SLC28A3: variants seen among roughly 807,000 people sequenced by gnomAD.
The protein encoded by SLC28A3 is solute carrier family 28 member 3.
In SLC28A3, 68 loss-of-function variants were observed where a neutral mutation model predicts 84.2. That is an observed-to-expected ratio of 0.81 (90% CI 0.66 to 0.99). SLC28A3 has a LOEUF of 0.99. Ranked by LOEUF, SLC28A3 falls within the 50% of genes least tolerant of loss-of-function variation. The pLI is 0.00. For synonymous variants in SLC28A3, 267 were observed against 303.6 expected, an observed-to-expected ratio of 0.88 and a Z score of 1.25; for missense variants, 712 against 841.5, an observed-to-expected ratio of 0.85 and a Z score of 1.90.
At chr9:84,295,699 G>A (rs183861064) in intron 8 of SLC28A3, among the ~76,000 whole-genome samples, 3 of 152,080 alleles carry the variant, frequency 2.0e-5, no homozygotes, top group Non-Finnish European at 4.4e-5. Context: ...TTTCCACAGA[G>A]AGCAGTTTCT....
rs548834828 is a variant in SLC28A3, at chr9:84,289,019, G to A, written c.1150-841C>T. 7.9e-5 allele frequency among the ~76,000 whole-genome samples: 12 copies of A among 152,146 alleles called. 1 individual carries two copies. The South Asian group carries it at 1.5e-3, about 18-fold the overall frequency. On this transcript the variant is annotated intron_variant, in intron 11 of 17. Coordinates refer to ENST00000376238, the MANE Select transcript of SLC28A3 (RefSeq NM_001199633.2). The stretch of plus-strand genomic sequence containing the variant: ...TCTGGTGGCCCTTTAATCTGTACAC[G>A]ACTTCTGTTTTCTTTATTGCAGGTC...
chr9:84,281,020 C>T (rs1824730298), intron 14 of SLC28A3, 138 bp from the exon 15 acceptor site: 1 of 753,568 alleles, frequency 1.3e-6, no homozygotes, highest in Non-Finnish European at 2.2e-6. Flanking sequence ...ATACCCATTA[C>T]TCCCTAGACC....
rs925990245 is a variant in SLC28A3, at chr9:84,279,304, G to T, written c.1910C>A (p.Thr637Lys). ...NAFNSTFPGN[T>K]TKVIACCQSL... is the part of the protein sequence containing the mutation. Reference sequence around the variant, plus strand: ...TTGGCAACAAGCTATCACCTTGGTTGTGTTTCCAGGGAAAGTGGAGTTGAA... The same window carrying T: ...TTGGCAACAAGCTATCACCTTGGTTTTGTTTCCAGGGAAAGTGGAGTTGAA... Residue 637 changes from threonine (T) to lysine (K), a missense_variant, in exon 17 of 18, where the codon ACA becomes AAA. Transcript: ENST00000376238. 1.9e-6 allele frequency: 3 copies of T among 1,613,312 alleles called. No individual in the cohort carries two copies. Among genetic ancestry groups the T allele is most frequent in the Admixed American group, 3.3e-5 (2 of 59,950 alleles).
the SLC28A3 span, among the ~76,000 whole-genome samples, chr9:84,367,604 CTGAGTTCCCTCAGTATTTATT>C: frequency 6.6e-6 from 1 of 152,190 alleles, no homozygotes; most frequent in Non-Finnish European, 1.5e-5. Context: ...GCGCTGGTCT[CTGAGTTCCCTCAGTATTTATT>C]GATTTCTATT....
At chr9:84,309,795 G>A (rs901049565) in intron 2 of SLC28A3, 81 bp from the exon 3 acceptor site, 27 of 1,208,316 alleles carry the variant, frequency 2.2e-5, no homozygotes, top group South Asian at 3.9e-5. Flanking sequence ...CTCAGAACTC[G>A]GGCAAAGAAC....
At position 84,280,815 on chromosome 9, in the gene SLC28A3, A is replaced by T; in HGVS notation, c.1715T>A (p.Val572Glu). Residue 572 changes from valine (V) to glutamate (E), a missense_variant, in exon 15 of 18, where the codon GTG (valine) becomes GAG (glutamate). By Grantham distance (121) the Val-to-Glu change is moderately radical. Coordinates refer to ENST00000376238, the MANE Select transcript of SLC28A3 (RefSeq NM_001199633.2). ...TTTTCACTTACTGAGTCCGCCGATC[A>T]CGATTCCTAGGGACCCGATATTGGC... ...GFANIGSLGI[V>E]IGGLTSMAPS... is the part of the protein sequence containing the mutation. 2 of 1,614,138 alleles carry T rather than the reference A, an allele frequency of 1.2e-6. No individual in the cohort carries two copies. Among genetic ancestry groups the T allele is most frequent in the Non-Finnish European group, 1.7e-6 (2 of 1,180,000 alleles).
At chr9:84,323,389 G>A (rs1826442157) in intron 1 of SLC28A3, among the ~76,000 whole-genome samples, 1 of 151,708 alleles carries the variant, frequency 6.6e-6, no homozygotes, top group East Asian at 1.9e-4. Flanking sequence ...TTCACCTGAA[G>A]AACCTATGTT....
upstream of SLC28A3, among the ~76,000 whole-genome samples, chr9:84,342,991 G>A (rs1303605543): frequency 6.6e-6 from 1 of 152,012 alleles, no homozygotes; most frequent in East Asian, 1.9e-4. Flanking sequence ...GTGAAACCCT[G>A]TCTCTTCTAA....
intron 10 of SLC28A3, 107 bp downstream of exon 10, chr9:84,292,561 C>A (rs769076310): frequency 2.4e-6 from 2 of 827,854 alleles, no homozygotes; most frequent in East Asian, 6.0e-5. Flanking sequence ...TATTTTGACA[C>A]CATTTTCTCT....
chr9:84,312,584 G>T (rs1184120804), intron 2 of SLC28A3, among the ~76,000 whole-genome samples: 4 of 146,588 alleles, frequency 2.7e-5, no homozygotes, highest in Non-Finnish European at 5.9e-5. Flanking sequence ...TGTCGCCCAG[G>T]CTGGAGTACA....
chr9:84,297,429 T>TCAGCTTTGCCCCCTCCA, intron 7 of SLC28A3, 131 bp from the exon 8 acceptor site: 1 of 671,410 alleles, frequency 1.5e-6, no homozygotes, highest in South Asian at 2.0e-5. Context: ...GTTAATGTTC[T>TCAGCTTTGCCCCCTCCA]CAGCTTTGCC....
intron 3 of SLC28A3, among the ~76,000 whole-genome samples, chr9:84,309,304 T>G (rs958540188): frequency 6.6e-6 from 1 of 151,754 alleles, no homozygotes; most frequent in African/African-American, 2.4e-5. Context: ...GGGTGGATCA[T>G]TTGAGGTCAG....
At chr9:84,302,968 A>G (rs1825681937) in intron 4 of SLC28A3, among the ~76,000 whole-genome samples, 1 of 152,206 alleles carries the variant, frequency 6.6e-6, no homozygotes, top group Non-Finnish European at 1.5e-5. Context: ...AAGGTCTGCA[A>G]AGATGTTCTG....
intron 14 of SLC28A3, among the ~76,000 whole-genome samples, chr9:84,284,462 T>C (rs1258746792): frequency 6.6e-6 from 1 of 152,196 alleles, no homozygotes; most frequent in African/African-American, 2.4e-5. Context: ...ATGGTAGTGT[T>C]GTTTGTGGGT....
Position 84,330,081 on chromosome 9 carries a change from C to T in SLC28A3, c.60+10493G>A, listed in dbSNP as rs189287941. On this transcript the variant is annotated intron_variant, in intron 1 of 17. Coordinates refer to ENST00000376238, the MANE Select transcript of SLC28A3 (RefSeq NM_001199633.2). ...GAAAGAAAGAAATAATGAAGATTAT[C>T]GTGGAGACAAATGAAATATAGACTA... is the stretch of plus-strand genomic sequence containing the variant. Among the ~76,000 whole-genome samples, 4 of 151,598 alleles carry T rather than the reference C, an allele frequency of 2.6e-5. No homozygotes were observed. The East Asian group carries it at 5.8e-4, about 22-fold the overall frequency.
At chr9:84,286,479 G>A (rs368400605) in intron 12 of SLC28A3, among the ~76,000 whole-genome samples, 4 of 144,032 alleles carry the variant, frequency 2.8e-5, no homozygotes, top group African/African-American at 5.2e-5. Context: ...AAGAGACGGG[G>A]TCATGCTACA....
chr9:84,281,783 TA>T (rs1824759422), intron 14 of SLC28A3, among the ~76,000 whole-genome samples: 1 of 152,114 alleles, frequency 6.6e-6, no homozygotes, highest in African/African-American at 2.4e-5. Context: ...TGCTTTGCAA[TA>T]AAAAGGAAAT....
At chr9:84,291,197 T>G (rs1825207218) in intron 10 of SLC28A3, among the ~76,000 whole-genome samples, 1 of 152,160 alleles carries the variant, frequency 6.6e-6, no homozygotes. Context: ...ACCCCACAGG[T>G]AGGAGCAATC....
At chr9:84,285,794 G>A in intron 13 of SLC28A3, 149 bp downstream of exon 13, 1 of 971,504 alleles carries the variant, frequency 1.0e-6, no homozygotes, top group Non-Finnish European at 1.5e-6. Flanking sequence ...ACAGAGAAAA[G>A]GTGGGTGGGA....
Sources: allele counts gnomAD v4.1 joint callset (sites outside exome capture counted in the v4.1 genomes callset), GRCh38; gene constraint gnomAD v4.1.1; transcripts MANE v1.5; gene names NCBI Gene and HGNC (gene_info 2026-07-23, HGNC 2026-07-21).